Variants in MADCAM1 observed in about 807,000 individuals in gnomAD.
MADCAM1 encodes the protein mucosal addressin cell adhesion molecule 1.
MADCAM1 carries 19 observed loss-of-function variants against 26.1 expected under a neutral mutation model. The observed-to-expected ratio is 0.73, with a 90% CI of 0.51 to 1.07. MADCAM1 has a LOEUF of 1.07. MADCAM1 is among the 50% of genes least tolerant of loss of function. The probability of loss-of-function intolerance (pLI) is 0.00; values close to 1 mark genes in which losing one functional copy is unlikely to be tolerated. For missense variants in MADCAM1, 514 were observed against 542.1 expected (o/e 0.95, Z 0.51); for synonymous variants, 268 against 260.9 (o/e 1.03, Z -0.26).
At chr19:504,070 G>C (rs1347601945) in intron 4 of MADCAM1, among the ~76,000 whole-genome samples, 6 of 147,114 alleles carry the variant, frequency 4.1e-5, no homozygotes, top group Non-Finnish European at 6.0e-5. Context: ...AAAAAAAAAA[G>C]TGTGGTCATA....
intron 3 of MADCAM1, chr19:499,169 C>T (rs1376844978): frequency 3.7e-6 from 2 of 538,762 alleles, no homozygotes; most frequent in Middle Eastern, 2.8e-4. Flanking sequence ...GCTGCAGCCA[C>T]ACGGGCCTCC....
At chr19:500,052 C>A (rs1297008251) in intron 3 of MADCAM1, 1 of 454,984 alleles carries the variant, frequency 2.2e-6, no homozygotes, top group African/African-American at 2.0e-5. Context: ...TTACAGAACA[C>A]GGGCCCTCAC....
chr19:501,862 C>T lies in MADCAM1; in HGVS notation c.861C>T (p.Ser287=). 6.4e-7 allele frequency: 1 copy of T among 1,557,554 alleles called. No individual in the cohort carries two copies. The highest frequency in any genetic ancestry group is 8.7e-7 in the Non-Finnish European group (1 of 1,151,418). The part of the protein sequence containing the change: ...GSTHTPRSPG[S]TRTRRPEISQ... The stretch of plus-strand genomic sequence containing the variant: ...CACACACCCCCAGGAGCCCAGGCTC[C>T]ACCAGGACTCGCCGCCCTGAGATCT... Residue 287 remains serine, a synonymous_variant, in exon 4 of 5, where the codon TCC becomes TCT. Transcript: ENST00000215637.
At chr19:501,424 G>T in intron 3 of MADCAM1, 1 of 371,138 alleles carries the variant, frequency 2.7e-6, no homozygotes, top group Admixed American at 4.8e-5. Context: ...AGCGGAGGTT[G>T]TGGTGAGCCA....
In MADCAM1 at chr19:498,564, G is replaced by A. The variant is rs1978297808; in HGVS notation, c.406G>A (p.Ala136Thr). The A allele has an allele frequency of 6.8e-7, 1 of 1,481,098 alleles. No homozygotes were observed. The highest frequency in any genetic ancestry group is 2.5e-5 in the East Asian group (1 of 39,408). 91.7% of individuals were successfully genotyped at this position (1,481,098 alleles called of 1,614,324 possible). A position where few individuals can be genotyped will look rare whatever the true frequency, so the allele number is the denominator to read the frequency against. The change falls in exon 3 of 5, where the codon GCC becomes ACC. Residue 136 changes from alanine (A) to threonine (T), a missense_variant. Ala to Thr is a moderately conservative substitution (Grantham distance 58). This residue lies in a region of MADCAM1 where 317 missense variants were observed against 313.6 expected (regional missense o/e 1.01). Transcript: ENST00000215637. Reference protein sequence around the residue: ...VPGDPEVACTAHKVTPVDPNA... With the variant: ...VPGDPEVACTTHKVTPVDPNA... The stretch of plus-strand genomic sequence containing the variant: ...TGGTGACCCGGAGGTGGCCTGTACG[G>A]CCCACAAAGTCACGCCCGTGGACCC...
intron 2 of MADCAM1, 140 bp from the exon 3 acceptor site, chr19:498,356 A>C (rs1446660590): frequency 1.0e-6 from 1 of 994,492 alleles, no homozygotes; most frequent in Non-Finnish European, 1.3e-6. Flanking sequence ...GGGCCTGCGC[A>C]CAGGCCGTCC....
At position 505,192 on chromosome 19, in the gene MADCAM1, C is replaced by T; in HGVS notation, c.*227C>T. On this transcript the variant is annotated 3_prime_UTR_variant, in exon 5 of 5. Coordinates refer to ENST00000215637, the MANE Select transcript of MADCAM1 (RefSeq NM_130760.3). Reference sequence around the variant, plus strand: ...AAGCCCCTCCCTGAGTGGTCCCCACCTTTCTGGACGGAACCACGTACTTTT... The same window carrying T: ...AAGCCCCTCCCTGAGTGGTCCCCACTTTTCTGGACGGAACCACGTACTTTT... 1 of 461,952 alleles carries T rather than the reference C, an allele frequency of 2.2e-6. No homozygotes were observed. The highest frequency in any genetic ancestry group is 3.8e-6 in the Non-Finnish European group (1 of 260,296). 28.6% of individuals were successfully genotyped at this position (461,952 alleles called of 1,614,324 possible).
intron 3 of MADCAM1, 86 bp downstream of exon 3, chr19:498,911 C>T: frequency 7.6e-7 from 1 of 1,308,066 alleles, no homozygotes; most frequent in Non-Finnish European, 1.0e-6. Flanking sequence ...GGGGGGGCAG[C>T]ACCTGTGCTG....
At chr19:504,418 C>T (rs901557734) in intron 4 of MADCAM1, among the ~76,000 whole-genome samples, 8 of 151,952 alleles carry the variant, frequency 5.3e-5, no homozygotes, top group African/African-American at 1.9e-4. Flanking sequence ...CGCCTGCCAC[C>T]ATGTCCAGCT....
chr19:502,834 C>T (rs1321139665), intron 4 of MADCAM1, among the ~76,000 whole-genome samples: 2 of 152,200 alleles, frequency 1.3e-5, no homozygotes, highest in Admixed American at 6.5e-5. Context: ...AGCAGGATAT[C>T]ACACTCTTAA....
chr19:496,587 G>A (rs1372908773), intron 1 of MADCAM1, 36 bp downstream of exon 1: 37 of 1,232,064 alleles, frequency 3.0e-5, no homozygotes, highest in Non-Finnish European at 3.3e-5. Flanking sequence ...AGAGGAGTGA[G>A]TTAGGAGGGG....
Position 504,757 on chromosome 19 carries a change from C to CG in MADCAM1, c.944dup (p.Asp316Ter). On this transcript the variant is annotated frameshift_variant, in exon 5 of 5. Transcript: ENST00000215637. LOFTEE classifies it low-confidence loss of function (END_TRUNC). ...ACTCTCTCCCCAGCGTCCAAACCTGCGGGTGACCAGCTGCCCGCGGCTCTG... is the reference window on the plus strand; with the variant it reads ...ACTCTCTCCCCAGCGTCCAAACCTGCGGGGTGACCAGCTGCCCGCGGCTCTG... 1 of 1,604,668 alleles carries CG rather than the reference C, an allele frequency of 6.2e-7. No homozygotes were observed. Among genetic ancestry groups the CG allele is most frequent in the Non-Finnish European group, 8.5e-7 (1 of 1,173,292 alleles).
intron 1 of MADCAM1, among the ~76,000 whole-genome samples, chr19:497,363 AGGAAGGGGCGCGGTGAGC>A (rs1978290924): frequency 1.3e-4 from 2 of 15,976 alleles, no homozygotes; most frequent in Admixed American, 7.4e-4. Flanking sequence ...CCCGGGGGAG[AGGAAGGGGCGCGGTGAGC>A]GGGGAGGGGA....
chr19:497,142 A>AG, intron 1 of MADCAM1, among the ~76,000 whole-genome samples: 1 of 11,774 alleles, frequency 8.5e-5, no homozygotes, highest in Non-Finnish European at 1.5e-4. Context: ...CTCAGGAGAG[A>AG]GAAGGGGCGC....
In MADCAM1 at chr19:497,922, C is replaced by T. The variant is rs778072743; in HGVS notation, c.142C>T (p.Arg48Cys). The T allele has an allele frequency of 7.9e-6, 11 of 1,399,392 alleles. 1 individual carries two copies. In the South Asian group the frequency reaches 1.2e-4, roughly 16 times the overall value. 86.7% of individuals were successfully genotyped at this position (1,399,392 alleles called of 1,614,324 possible). A position where few individuals can be genotyped will look rare whatever the true frequency, so the allele number is the denominator to read the frequency against. ...GGGCGCCTCGCGCCAGCTCACCTGC[C>T]GCCTGGCCTGCGCGGACCGCGGGGC... ...ALGASRQLTC[R>C]LACADRGASV... is the part of the protein sequence containing the mutation. The change falls in exon 2 of 5, where the codon CGC (arginine) becomes TGC (cysteine). Residue 48 changes from arginine to cysteine, a missense_variant. By Grantham distance (180) the Arg-to-Cys change is radical. Transcript: ENST00000215637.
At position 504,790 on chromosome 19, in the gene MADCAM1, G is replaced by C. The variant is rs372736157; in HGVS notation, c.974G>C (p.Ser325Thr). The change falls in exon 5 of 5, where the codon AGC becomes ACC. Residue 325 changes from serine (S) to threonine (T), a missense_variant. Transcript: ENST00000215637. Reference sequence around the variant, plus strand: ...CAGCTGCCCGCGGCTCTGTGGACCAGCAGTGCGGTGCTGGGACTGCTGCTC... The same window carrying C: ...CAGCTGCCCGCGGCTCTGTGGACCACCAGTGCGGTGCTGGGACTGCTGCTC... ...GDQLPAALWT[S>T]SAVLGLLLLA... 1.2e-6 allele frequency: 2 copies of C among 1,612,206 alleles called. No individual in the cohort carries two copies. Among genetic ancestry groups the C allele is most frequent in the Non-Finnish European group, 1.7e-6 (2 of 1,179,290 alleles).
At position 496,532 on chromosome 19, in the gene MADCAM1, G is replaced by A. The variant is rs78668504; in HGVS notation, c.33G>A (p.Gly11=). MDFGLALLLA[G]LLGLLLGQSL... is the part of the protein sequence containing the mutation. ...TCGGACTGGCCCTCCTGCTGGCGGG[G>A]CTTCTGGGGCTCCTCCTCGGTGAGA... The change falls in exon 1 of 5, where the codon GGG becomes GGA. Residue 11 remains glycine, a synonymous_variant. Transcript: ENST00000215637. The A allele has an allele frequency of 0.1, 129,955 of 1,304,548 alleles. 7,157 individuals are homozygous for A. Among genetic ancestry groups the A allele is most frequent in the African/African-American group, 0.2 (12,730 of 63,976 alleles). The allele number at this position is 1,304,548 out of a possible 1,614,324, so 80.8% of individuals were successfully genotyped here.
intron 3 of MADCAM1, chr19:499,050 C>T: frequency 1.3e-6 from 1 of 771,966 alleles, no homozygotes; most frequent in Non-Finnish European, 2.2e-6. Context: ...CTCCATGGCT[C>T]TTGCCTTGGG....
At chr19:503,335 A>T (rs1202085620) in intron 4 of MADCAM1, among the ~76,000 whole-genome samples, 1 of 150,400 alleles carries the variant, frequency 6.6e-6, no homozygotes, top group Non-Finnish European at 1.5e-5. Context: ...TAATCCCTGC[A>T]CTTTGGGAGG....
Sources: gnomAD v4.1 joint callset for allele counts (sites outside exome capture counted in the v4.1 genomes callset) on GRCh38, gnomAD v4.1.1 for gene constraint, gnomAD v4.1.1 regional missense constraint, MANE v1.5 for transcripts, NCBI Gene and HGNC (gene_info 2026-07-23, HGNC 2026-07-21) for gene names.